Variants in ATP5PF observed in about 807,000 individuals in gnomAD.
ATP5PF encodes ATP synthase peripheral stalk subunit F6, also known as ATP synthase peripheral stalk subunit F6, mitochondrial.
In ATP5PF, 7 loss-of-function variants were observed where a neutral mutation model predicts 12.0. The observed-to-expected ratio is 0.58, with a 90% CI of 0.33 to 1.10. The LOEUF (loss-of-function observed/expected upper bound fraction) is 1.10, where lower values mean the gene tolerates loss of function less well. Among genes scored for constraint, ATP5PF ranks in the 50% least tolerant of loss-of-function variants. The pLI, the probability that ATP5PF is intolerant of heterozygous loss-of-function variation, is 0.03. For missense variants in ATP5PF, 120 were observed against 127.7 expected, an observed-to-expected ratio of 0.94 and a Z score of 0.29; for synonymous variants, 41 against 45.4, an observed-to-expected ratio of 0.90 and a Z score of 0.39.
upstream of ATP5PF, chr21:25,734,936 T>C (rs1455819076): frequency 6.4e-7 from 1 of 1,574,450 alleles, no homozygotes; most frequent in Non-Finnish European, 8.6e-7. Flanking sequence ...CCCACACGCC[T>C]ACCCGCCATC....
chr21:25,724,782 AAC>A, intron 3 of ATP5PF, 105 bp from the exon 4 acceptor site: 1 of 1,160,636 alleles, frequency 8.6e-7, no homozygotes, highest in Non-Finnish European at 1.2e-6. Context: ...TTTTTTAGTA[AAC>A]ACTGTTTGTA....
rs141610239 is a variant in ATP5PF, at chr21:25,730,594, C to T, written c.-7-793G>A. Among the ~76,000 whole-genome samples the T allele has an allele frequency of 5.8e-3, 883 of 151,536 alleles. 6 individuals are homozygous for T. Among genetic ancestry groups the T allele is most frequent in the African/African-American group, 0.02 (842 of 41,318 alleles). On this transcript the variant is annotated intron_variant, in intron 1 of 3. Coordinates refer to ENST00000284971, the MANE Select transcript of ATP5PF (RefSeq NM_001003703.2). ...ATTAAAAATACAAAAATTAGCTGGG[C>T]GTGGTGGCGCATGCCTGTAATCCCA... is the stretch of plus-strand genomic sequence containing the variant.
chr21:25,734,519 G>C, intron 1 of ATP5PF: 1 of 567,670 alleles, frequency 1.8e-6, no homozygotes, highest in Non-Finnish European at 2.4e-6. Flanking sequence ...CCGTGCGCCC[G>C]GGGCGGGTAG....
At chr21:25,727,870 C>A (rs1046975096) in intron 2 of ATP5PF, among the ~76,000 whole-genome samples, 2 of 152,132 alleles carry the variant, frequency 1.3e-5, no homozygotes, top group African/African-American at 4.8e-5. Flanking sequence ...ATTGGGGTAA[C>A]ATCTATAGGG....
chr21:25,727,216 T>C (rs2034641657), intron 2 of ATP5PF, among the ~76,000 whole-genome samples: 1 of 152,234 alleles, frequency 6.6e-6, no homozygotes, highest in South Asian at 2.1e-4. Context: ...CTAGATACTC[T>C]AATACTGGTT....
chr21:25,732,211 TTA>T (rs1442802137), intron 1 of ATP5PF, among the ~76,000 whole-genome samples: 1 of 152,216 alleles, frequency 6.6e-6, no homozygotes, highest in Non-Finnish European at 1.5e-5. Context: ...TGCTACTGGC[TTA>T]TAATGAGTAC....
intron 1 of ATP5PF, among the ~76,000 whole-genome samples, chr21:25,731,558 C>CTT (rs901459950): frequency 4.9e-5 from 7 of 142,380 alleles, no homozygotes; most frequent in East Asian, 2.0e-4. Flanking sequence ...CTAATTTTTA[C>CTT]TTTTTTTTTT....
At chr21:25,735,237 T>A (rs1601098293), upstream of ATP5PF, 4 of 574,060 alleles carry the variant, frequency 7.0e-6, no homozygotes, top group East Asian at 1.2e-4. Context: ...TTCGTTAGGG[T>A]TATCGAAGTG....
chr21:25,735,055 G>A (rs1601097551), upstream of ATP5PF: 21 of 1,276,954 alleles, frequency 1.6e-5, no homozygotes, highest in African/African-American at 1.6e-4. Flanking sequence ...AGCCAAACAG[G>A]AGGAGGAAGT....
At chr21:25,732,447 G>T (rs1355384021) in intron 1 of ATP5PF, among the ~76,000 whole-genome samples, 1 of 151,046 alleles carries the variant, frequency 6.6e-6, no homozygotes, top group Non-Finnish European at 1.5e-5. Context: ...AGGAATTCAA[G>T]ACCAGCCTGG....
intron 1 of ATP5PF, chr21:25,734,611 G>T: frequency 2.4e-6 from 1 of 424,378 alleles, no homozygotes; most frequent in Non-Finnish European, 3.9e-6. Context: ...GGGCCTCCCT[G>T]CCCCCCGCGC....
intron 1 of ATP5PF, chr21:25,734,576 G>C: frequency 2.3e-6 from 1 of 431,576 alleles, no homozygotes; most frequent in Non-Finnish European, 3.6e-6. Context: ...GGTTGCCCCA[G>C]CCAGGCTGCG....
At chr21:25,731,495 C>A (rs1052684664) in intron 1 of ATP5PF, among the ~76,000 whole-genome samples, 71 of 151,960 alleles carry the variant, frequency 4.7e-4, no homozygotes, top group Admixed American at 3.5e-3. Context: ...TGCAATCCTC[C>A]CACCTTAGCC....
At chr21:25,724,803 C>A in intron 3 of ATP5PF, 126 bp from the exon 4 acceptor site, 1 of 938,994 alleles carries the variant, frequency 1.1e-6, no homozygotes, top group African/African-American at 1.7e-5. Flanking sequence ...TAAACATTTA[C>A]ATAGAAATAT....
At chr21:25,734,980 G>T, upstream of ATP5PF, 1 of 1,560,124 alleles carries the variant, frequency 6.4e-7, no homozygotes. Context: ...TCAGTCGGTC[G>T]ACGCTCACCG....
upstream of ATP5PF, chr21:25,734,990 G>T (rs769222928): frequency 3.2e-6 from 5 of 1,554,130 alleles, no homozygotes; most frequent in South Asian, 2.4e-5. Context: ...GACGCTCACC[G>T]GACAGGAAGC....
At chr21:25,730,224 T>G (rs1225885275) in intron 1 of ATP5PF, among the ~76,000 whole-genome samples, 3 of 152,200 alleles carry the variant, frequency 2.0e-5, no homozygotes, top group African/African-American at 7.2e-5. Flanking sequence ...AAATGTGTAC[T>G]TCACAGGCCC....
intron 2 of ATP5PF, among the ~76,000 whole-genome samples, chr21:25,726,292 G>A (rs997585909): frequency 2.0e-5 from 3 of 152,020 alleles, no homozygotes; most frequent in African/African-American, 4.8e-5. Flanking sequence ...TTGCAATTTC[G>A]AAGAAAAAAA....
At chr21:25,726,110 C>G (rs1410261130) in intron 2 of ATP5PF, among the ~76,000 whole-genome samples, 1 of 152,190 alleles carries the variant, frequency 6.6e-6, no homozygotes, top group Non-Finnish European at 1.5e-5. Context: ...TGTAAATGCA[C>G]ACGTACCTCT....
Sources: allele counts gnomAD v4.1 joint callset (sites outside exome capture counted in the v4.1 genomes callset), GRCh38; gene constraint gnomAD v4.1.1; transcripts MANE v1.5; gene names NCBI Gene and HGNC (gene_info 2026-07-23, HGNC 2026-07-21).